The following C1GALT1 variants were observed in gnomAD, a reference collection of about 807,000 sequenced individuals.
C1GALT1 encodes the protein core 1 synthase, glycoprotein-N-acetylgalactosamine 3-beta-galactosyltransferase 1.
Under a neutral mutation model 31.0 loss-of-function variants are expected in C1GALT1, and 11 were observed. That is an observed-to-expected ratio of 0.36 (90% CI 0.22 to 0.59). The LOEUF is 0.59. C1GALT1 is among the 20% of genes least tolerant of loss of function. The pLI, the probability that C1GALT1 is intolerant of heterozygous loss-of-function variation, is 0.79. For missense variants in C1GALT1, 424 were observed against 425.2 expected (o/e 1.00, Z 0.03); for synonymous variants, 175 against 143.6 (o/e 1.22, Z -1.56).
chr7:7,228,540 C>G (rs948441793), intron 1 of C1GALT1, among the ~76,000 whole-genome samples: 1 of 151,772 alleles, frequency 6.6e-6, no homozygotes, highest in African/African-American at 2.4e-5. Context: ...TGATTTTTGC[C>G]AAAAATCTGA....
rs1177634015 is a variant in C1GALT1 at position 7,248,175 on chromosome 7, G to C, written c.*4448G>C. 1.3e-5 allele frequency: 2 copies of C among 151,936 alleles called. No homozygotes were observed. The highest frequency in any genetic ancestry group is 4.8e-5 in the African/African-American group (2 of 41,416). 9.4% of individuals were successfully genotyped at this position (151,936 alleles called of 1,614,324 possible). On this transcript the variant is annotated 3_prime_UTR_variant, in exon 4 of 4. Transcript: ENST00000436587. ...TTTTTAAAAATGTGTTTATATATAA[G>C]ATTTGAAATAAAAACTTTAATACAG...
At chr7:7,173,139 T>A (rs1021305833) in intron 2 of C1GALT1, among the ~76,000 whole-genome samples, 2 of 152,128 alleles carry the variant, frequency 1.3e-5, no homozygotes, top group Non-Finnish European at 2.9e-5. Context: ...GTGGGAGCTG[T>A]TTGGACCATG....
chr7:7,204,211 C>T (rs1433734712), intron 1 of C1GALT1, among the ~76,000 whole-genome samples: 1 of 150,010 alleles, frequency 6.7e-6, no homozygotes, highest in Non-Finnish European at 1.5e-5. Context: ...ATGTCCAGGG[C>T]TTTTCTTTGT....
At chr7:7,240,945 T>A (rs572684015) in intron 3 of C1GALT1, among the ~76,000 whole-genome samples, 1 of 152,206 alleles carries the variant, frequency 6.6e-6, no homozygotes, top group Non-Finnish European at 1.5e-5. Context: ...TAAAAGATAT[T>A]CTAATTCATG....
chr7:7,165,141 A>C (rs1487894779), intron 2 of C1GALT1, among the ~76,000 whole-genome samples: 6 of 152,170 alleles, frequency 3.9e-5, no homozygotes, highest in Admixed American at 1.3e-4. Context: ...TAGAAACCAC[A>C]GTAGCCAGGA....
chr7:7,203,092 G>GTGT (rs1554292028), intron 1 of C1GALT1, among the ~76,000 whole-genome samples: 2 of 137,732 alleles, frequency 1.5e-5, no homozygotes, highest in African/African-American at 5.3e-5. Flanking sequence ...GTTCTAACAG[G>GTGT]TTTTTTTTTT....
intron 1 of C1GALT1, among the ~76,000 whole-genome samples, chr7:7,198,731 A>G (rs916500836): frequency 6.6e-6 from 1 of 152,148 alleles, no homozygotes; most frequent in African/African-American, 2.4e-5. Context: ...TGGTCTGTTC[A>G]GGGATCCACC....
At chr7:7,220,761 C>T (rs1418684891) in intron 1 of C1GALT1, among the ~76,000 whole-genome samples, 1 of 152,184 alleles carries the variant, frequency 6.6e-6, no homozygotes, top group Non-Finnish European at 1.5e-5. Flanking sequence ...ACCTTGTGAT[C>T]TGCTGGCCTC....
chr7:7,183,610 T>C (rs1780687508), intron 1 of C1GALT1: 14 of 984,210 alleles, frequency 1.4e-5, no homozygotes, highest in Non-Finnish European at 1.7e-5. Context: ...TCGTACACTC[T>C]TAAAAGATGA....
chr7:7,240,387 A>G (rs904103940), intron 3 of C1GALT1, among the ~76,000 whole-genome samples: 2 of 152,174 alleles, frequency 1.3e-5, no homozygotes, highest in African/African-American at 4.8e-5. Flanking sequence ...ATCAGCTTTA[A>G]AAGGAAACTT....
At chr7:7,206,325 C>T (rs567502799) in intron 1 of C1GALT1, among the ~76,000 whole-genome samples, 2 of 152,026 alleles carry the variant, frequency 1.3e-5, no homozygotes, top group African/African-American at 4.8e-5. Context: ...AAGTTATTAT[C>T]TAGTATTCTT....
intron 2 of C1GALT1, among the ~76,000 whole-genome samples, chr7:7,169,955 AAAGTTCACCAGTG>A (rs1324169183): frequency 6.6e-6 from 1 of 152,200 alleles, no homozygotes; most frequent in Non-Finnish European, 1.5e-5. Context: ...AATATTTGGC[AAAGTTCACCAGTG>A]AAGCTATCTG....
At chr7:7,204,782 C>T (rs774965188) in intron 1 of C1GALT1, among the ~76,000 whole-genome samples, 1 of 152,142 alleles carries the variant, frequency 6.6e-6, no homozygotes, top group African/African-American at 2.4e-5. Context: ...TCTAATTACT[C>T]TTGTGATTGA....
At chr7:7,193,079 A>G (rs1781143038) in intron 1 of C1GALT1, among the ~76,000 whole-genome samples, 1 of 151,834 alleles carries the variant, frequency 6.6e-6, no homozygotes, top group Non-Finnish European at 1.5e-5. Flanking sequence ...TGCATAGTTT[A>G]CCAAGATTTT....
chr7:7,163,306 G>T (rs1277039868), intron 2 of C1GALT1, among the ~76,000 whole-genome samples: 1 of 151,908 alleles, frequency 6.6e-6, no homozygotes, highest in South Asian at 2.1e-4. Context: ...AGTATTGATG[G>T]GATGTATCTC....
intron 1 of C1GALT1, among the ~76,000 whole-genome samples, chr7:7,229,229 T>G (rs1297490888): frequency 2.0e-5 from 3 of 152,160 alleles, no homozygotes; most frequent in African/African-American, 7.2e-5. Flanking sequence ...GATGGTGAAG[T>G]GGCTGTGTAT....
At chr7:7,220,513 A>G (rs1425464204) in intron 1 of C1GALT1, among the ~76,000 whole-genome samples, 1 of 150,326 alleles carries the variant, frequency 6.7e-6, no homozygotes, top group East Asian at 2.0e-4. Context: ...CATGTCTTTA[A>G]AGTATCTTTA....
rs1404752982 is a variant in C1GALT1 at position 7,238,837 on chromosome 7, C to T, written c.803C>T (p.Pro268Leu). 6.8e-6 allele frequency: 11 copies of T among 1,613,830 alleles called. No individual in the cohort carries two copies. Among genetic ancestry groups the T allele is most frequent in the South Asian group, 1.1e-5 (1 of 91,066 alleles). Residue 268 changes from proline to leucine, a missense_variant, in exon 3 of 4, where the codon CCC (proline) becomes CTC (leucine). Pro to Leu is a moderately conservative substitution (Grantham distance 98). Transcript: ENST00000436587. This position sits in a 1 kb window ranked among gnomAD's most constrained non-coding sequence, Gnocchi z 5.2. ...RDTIGKETFH[P>L]FVPEHHLIKG... is the part of the protein sequence containing the mutation. Reference sequence around the variant, plus strand: ...ACCATTGGAAAAGAAACTTTTCATCCCTTTGTGCCAGAACACCATTTAATT... The same window carrying T: ...ACCATTGGAAAAGAAACTTTTCATCTCTTTGTGCCAGAACACCATTTAATT...
chr7:7,160,473 CA>C (rs1780322897), intron 2 of C1GALT1, among the ~76,000 whole-genome samples: 1 of 152,068 alleles, frequency 6.6e-6, no homozygotes, highest in Non-Finnish European at 1.5e-5. Flanking sequence ...GGCGGGAAGA[CA>C]AAATGTTACC....
Sources: gnomAD v4.1 joint callset for allele counts (sites outside exome capture counted in the v4.1 genomes callset) on GRCh38, gnomAD v4.1.1 for gene constraint, Gnocchi (gnomAD v3.1) non-coding constraint, MANE v1.5 for transcripts, NCBI Gene and HGNC (gene_info 2026-07-23, HGNC 2026-07-21) for gene names.